Variants in TMEM87A observed in about 807,000 individuals in gnomAD.
TMEM87A encodes Golgi-pH regulating cation channel.
A neutral mutation model predicts 90.0 loss-of-function variants in TMEM87A; 50 were observed. That is an observed-to-expected ratio of 0.56 (90% CI 0.44 to 0.70). The LOEUF is 0.70. Ranked by LOEUF, TMEM87A falls within the 30% of genes least tolerant of loss-of-function variation. The pLI, the probability that TMEM87A is intolerant of heterozygous loss-of-function variation, is 0.00. For missense variants in TMEM87A, 577 were observed against 660.5 expected (o/e 0.87, Z 1.39); for synonymous variants, 226 against 226.7 (o/e 1.00, Z 0.03).
chr15:42,246,545 G>A (rs1398665474), intron 6 of TMEM87A, among the ~76,000 whole-genome samples: 1 of 152,076 alleles, frequency 6.6e-6, no homozygotes, highest in Non-Finnish European at 1.5e-5. Context: ...AACATGCAGT[G>A]TTTGGTTTTC....
At chr15:42,227,681 A>G in intron 14 of TMEM87A, 30 bp downstream of exon 14, 1 of 1,591,910 alleles carries the variant, frequency 6.3e-7, no homozygotes, top group Non-Finnish European at 8.6e-7. Flanking sequence ...ATAAGACAGT[A>G]CATTATTCAT....
At chr15:42,241,122 A>C (rs909822298) in intron 7 of TMEM87A, among the ~76,000 whole-genome samples, 6 of 152,242 alleles carry the variant, frequency 3.9e-5, no homozygotes, top group Non-Finnish European at 8.8e-5. Flanking sequence ...CTGACTCTTT[A>C]AGAAAAAAAT....
intron 15 of TMEM87A, among the ~76,000 whole-genome samples, chr15:42,225,074 CT>C (rs1262838223): frequency 7.2e-5 from 11 of 152,098 alleles, no homozygotes; most frequent in Admixed American, 7.2e-4. Flanking sequence ...CCTTTATTTT[CT>C]TTCATTACTT....
At chr15:42,217,363 T>C (rs747764418) in intron 19 of TMEM87A, among the ~76,000 whole-genome samples, 6 of 152,236 alleles carry the variant, frequency 3.9e-5, no homozygotes, top group Non-Finnish European at 7.3e-5. Context: ...ATCCTTACTA[T>C]CTGAAGAAGG....
chr15:42,245,721 G>A (rs1315739499), intron 6 of TMEM87A, among the ~76,000 whole-genome samples: 9 of 151,242 alleles, frequency 6.0e-5, no homozygotes, highest in Non-Finnish European at 1.0e-4. Context: ...TGGTAGAGAC[G>A]GGGTTTCGCC....
chr15:42,218,121 ATAC>A lies in TMEM87A; in HGVS notation c.1595+199_1595+201del, dbSNP rs1480267024. 2.8e-5 allele frequency: 18 copies of A among 654,118 alleles called. No individual in the cohort carries two copies. In the African/African-American group the frequency reaches 2.9e-4, roughly 11 times the overall value. The allele number at this position is 654,118 out of a possible 1,614,324, so 40.5% of individuals were successfully genotyped here. A position where few individuals can be genotyped will look rare whatever the true frequency, so the allele number is the denominator to read the frequency against. On this transcript the variant is annotated intron_variant, in intron 18 of 19. Transcript: ENST00000389834. ...AGGAGTATCCCATTCATTTTAAGAT[ATAC>A]TACATAGCTAAATCTTTCTAAGCAG...
intron 6 of TMEM87A, chr15:42,258,110 C>G: frequency 2.0e-6 from 2 of 977,474 alleles, no homozygotes; most frequent in Non-Finnish European, 2.4e-6. Context: ...AGTTCAAGAA[C>G]AGAGAATTGA....
rs1376656652 is a variant in TMEM87A, at chr15:42,239,710, G to C, written c.644C>G (p.Pro215Arg). 6.2e-7 allele frequency: 1 copy of C among 1,613,840 alleles called. No individual in the cohort carries two copies. Among genetic ancestry groups the C allele is most frequent in the Non-Finnish European group, 8.5e-7 (1 of 1,179,836 alleles). The change falls in exon 8 of 20, where the codon CCC (proline) becomes CGC (arginine). Residue 215 changes from proline to arginine, a missense_variant. By Grantham distance (103) the Pro-to-Arg change is moderately radical. Coordinates refer to ENST00000389834, the MANE Select transcript of TMEM87A (RefSeq NM_015497.5). ...LFTMTVEVKG[P>R]YEYLTLEDYP... ...GTCTTCAAGTGTGAGGTATTCATAG[G>C]GACCCTTCACTTCAACAGTCACTGC... is the stretch of plus-strand genomic sequence containing the variant.
intron 11 of TMEM87A, 133 bp downstream of exon 11, chr15:42,233,080 A>C (rs952561392): frequency 1.5e-6 from 1 of 647,570 alleles, no homozygotes; most frequent in Non-Finnish European, 2.7e-6. Flanking sequence ...CTATACATAT[A>C]TTTTGAAAAT....
At chr15:42,262,224 G>GACC (rs1438000753) in intron 4 of TMEM87A, 1 of 152,152 alleles carries the variant, frequency 6.6e-6, no homozygotes, top group Non-Finnish European at 1.5e-5. Context: ...TCCAAGAAAA[G>GACC]ACCAACCAAT....
chr15:42,228,809 G>T lies in TMEM87A; in HGVS notation c.1143C>A (p.Ser381Arg). 6.3e-7 allele frequency: 1 copy of T among 1,588,054 alleles called. No homozygotes were observed. The highest frequency in any genetic ancestry group is 8.5e-7 in the Non-Finnish European group (1 of 1,170,610). Residue 381 changes from serine (S) to arginine (R), a missense_variant, in exon 13 of 20, where the codon AGC (serine) becomes AGA (arginine). Coordinates refer to ENST00000389834, the MANE Select transcript of TMEM87A (RefSeq NM_015497.5). ...TTAATAGCTTCATTGTTTGAGTCAG[G>T]CTAATAAATATGTGTTTGCAGGTCA... ...DTALCWWIFI[S>R]LTQTMKLLKL...
intron 1 of TMEM87A, 70 bp from the exon 2 acceptor site, chr15:42,272,193 A>C: frequency 8.8e-7 from 1 of 1,136,314 alleles, no homozygotes; most frequent in Non-Finnish European, 1.3e-6. Flanking sequence ...TAACTATCTA[A>C]GACTGCTAGA....
intron 3 of TMEM87A, among the ~76,000 whole-genome samples, chr15:42,266,777 A>ACC (rs2051415770): frequency 1.3e-5 from 2 of 152,208 alleles, no homozygotes; most frequent in Non-Finnish European, 2.9e-5. Flanking sequence ...GACTTTTTAA[A>ACC]TAATCTAGGT....
At chr15:42,225,140 A>T (rs1272396780) in intron 15 of TMEM87A, among the ~76,000 whole-genome samples, 1 of 152,206 alleles carries the variant, frequency 6.6e-6, no homozygotes, top group Non-Finnish European at 1.5e-5. Flanking sequence ...GTTTGAAATG[A>T]CAGCAAGGCC....
intron 1 of TMEM87A, 89 bp downstream of exon 1, chr15:42,273,166 C>T (rs765989954): frequency 1.0e-4 from 156 of 1,538,150 alleles, no homozygotes; most frequent in Admixed American, 1.3e-4. Context: ...TTTGAAGAGA[C>T]TTTTGCGGAA....
intron 6 of TMEM87A, among the ~76,000 whole-genome samples, chr15:42,248,744 C>T (rs995301615): frequency 6.6e-5 from 10 of 151,840 alleles, no homozygotes; most frequent in African/African-American, 1.2e-4. Flanking sequence ...CTAAAATTCT[C>T]TTTTTTTTGT....
chr15:42,226,727 T>C lies in TMEM87A; in HGVS notation c.1403+79A>G, dbSNP rs574178132. ...CTTCCACTATATGACACAGCCCTGA[T>C]ACTGTCCCCCAATGCACCACCCCTA... On this transcript the variant is annotated intron_variant, in intron 15 of 19. Coordinates refer to ENST00000389834, the MANE Select transcript of TMEM87A (RefSeq NM_015497.5). 2.8e-4 allele frequency: 345 copies of C among 1,227,284 alleles called. 3 individuals are homozygous for C. In the South Asian group the frequency reaches 4.0e-3, roughly 14 times the overall value. 76.0% of individuals were successfully genotyped at this position (1,227,284 alleles called of 1,614,324 possible).
intron 6 of TMEM87A, among the ~76,000 whole-genome samples, chr15:42,256,225 C>T (rs1350969230): frequency 1.3e-5 from 2 of 152,192 alleles, no homozygotes; most frequent in African/African-American, 2.4e-5. Flanking sequence ...ACTACAACCT[C>T]TGCTTCTTGG....
At chr15:42,239,618 T>C in intron 8 of TMEM87A, 52 bp downstream of exon 8, 2 of 1,464,000 alleles carry the variant, frequency 1.4e-6, no homozygotes, top group Non-Finnish European at 1.9e-6. Flanking sequence ...TGGGACAATC[T>C]TTGAACCCAA....
Sources: gnomAD v4.1 joint callset for allele counts (sites outside exome capture counted in the v4.1 genomes callset) on GRCh38, gnomAD v4.1.1 for gene constraint, MANE v1.5 for transcripts, NCBI Gene and HGNC (gene_info 2026-07-23, HGNC 2026-07-21) for gene names.